The following PARD3B variants were observed in gnomAD, a reference collection of about 807,000 sequenced individuals.
PARD3B encodes par-3 family cell polarity regulator beta.
PARD3B carries 103 observed loss-of-function variants against 130.2 expected under a neutral mutation model. The observed-to-expected ratio is 0.79, with a 90% CI of 0.67 to 0.93. The LOEUF (loss-of-function observed/expected upper bound fraction) is 0.93, where lower values mean the gene tolerates loss of function less well. Among genes scored for constraint, PARD3B ranks in the 40% least tolerant of loss-of-function variants. The pLI is 0.00. For synonymous variants in PARD3B, 583 were observed against 553.2 expected, an observed-to-expected ratio of 1.05 and a Z score of -0.76; for missense variants, 1,609 against 1,499.2, an observed-to-expected ratio of 1.07 and a Z score of -1.21.
At chr2:205,464,519 G>T (rs1450324460) in intron 20 of PARD3B, among the ~76,000 whole-genome samples, 3 of 152,152 alleles carry the variant, frequency 2.0e-5, no homozygotes, top group Non-Finnish European at 4.4e-5. Flanking sequence ...AGAGAGGGGG[G>T]TTAGGAATCT....
chr2:204,845,137 A>G (rs2044409194), intron 2 of PARD3B, among the ~76,000 whole-genome samples: 1 of 152,196 alleles, frequency 6.6e-6, no homozygotes, highest in African/African-American at 2.4e-5. Flanking sequence ...AGAGAATGTA[A>G]TAGAGGACAG....
intron 2 of PARD3B, among the ~76,000 whole-genome samples, chr2:204,947,388 G>A (rs1287928058): frequency 6.6e-6 from 1 of 151,054 alleles, no homozygotes; most frequent in Non-Finnish European, 1.5e-5. Flanking sequence ...GTTAAACATA[G>A]GGCAGGAGTC....
In PARD3B at chr2:205,401,143, CCTT is replaced by C. The variant is rs1449321047; in HGVS notation, c.2741+22_2741+24del. On this transcript the variant is annotated intron_variant, in intron 19 of 22. Coordinates refer to ENST00000406610, the MANE Select transcript of PARD3B (RefSeq NM_001302769.2). ...TGAAAGGTGAGCAGAAGTGCCGAGACCTTCATTTTCTTTGACTCTATGGTCTGG... is the reference window on the plus strand; with the variant it reads ...TGAAAGGTGAGCAGAAGTGCCGAGACCATTTTCTTTGACTCTATGGTCTGG... 2.0e-6 allele frequency: 3 copies of C among 1,537,538 alleles called. No individual in the cohort carries two copies. In the South Asian group the frequency reaches 3.5e-5, roughly 18 times the overall value.
rs1386469040 is a variant in PARD3B, at chr2:205,321,495, C to A, written c.2630+19794C>A. ...CTCTCTTTCCCTCTCTCTCTCTCTC[C>A]CCCCGCCCATATGAATGTATATGCA... On this transcript the variant is annotated intron_variant, in intron 18 of 22. Coordinates refer to ENST00000406610, the MANE Select transcript of PARD3B (RefSeq NM_001302769.2). This position sits in a 1 kb window ranked among gnomAD's most constrained non-coding sequence, Gnocchi z 4.2. 6.6e-6 allele frequency among the ~76,000 whole-genome samples: 1 copy of A among 151,892 alleles called. No homozygotes were observed. The highest frequency in any genetic ancestry group is 2.4e-5 in the African/African-American group (1 of 41,418).
At chr2:205,614,397 A>G (rs1242639405) in intron 22 of PARD3B, among the ~76,000 whole-genome samples, 1 of 152,116 alleles carries the variant, frequency 6.6e-6, no homozygotes, top group East Asian at 1.9e-4. Context: ...AGAGTTGATT[A>G]CTTTATATCA....
Position 205,146,837 on chromosome 2 carries a change from C to T in PARD3B, c.1435-11885C>T, listed in dbSNP as rs1006715494. ...TCGCCTCCCGGGTTGGAGCGATTCTCCTGCCTCAGCTTCCTGAGTAGCTGG... is the reference window on the plus strand; with the variant it reads ...TCGCCTCCCGGGTTGGAGCGATTCTTCTGCCTCAGCTTCCTGAGTAGCTGG... On this transcript the variant is annotated intron_variant, in intron 10 of 22. Coordinates refer to ENST00000406610, the MANE Select transcript of PARD3B (RefSeq NM_001302769.2). The surrounding 1 kb of genome is among the most constrained non-coding windows in gnomAD (Gnocchi z 4.3). 7.9e-5 allele frequency among the ~76,000 whole-genome samples: 12 copies of T among 151,814 alleles called. No individual in the cohort carries two copies. Among genetic ancestry groups the T allele is most frequent in the Non-Finnish European group, 1.6e-4 (11 of 67,978 alleles).
intron 18 of PARD3B, among the ~76,000 whole-genome samples, chr2:205,313,854 G>A (rs2042472283): frequency 6.6e-6 from 1 of 152,158 alleles, no homozygotes; most frequent in South Asian, 2.1e-4. Flanking sequence ...TAAGGTAGAA[G>A]ATACACTTTA....
intron 21 of PARD3B, among the ~76,000 whole-genome samples, chr2:205,519,919 T>C (rs1385156402): frequency 6.6e-6 from 1 of 152,148 alleles, no homozygotes; most frequent in Non-Finnish European, 1.5e-5. Flanking sequence ...AGTCAGTTGG[T>C]AGACTCTTGC....
chr2:205,229,951 C>CT lies in PARD3B; in HGVS notation c.2141-15826dup, dbSNP rs2038750498. 6.6e-6 allele frequency among the ~76,000 whole-genome samples: 1 copy of CT among 151,984 alleles called. No homozygotes were observed. Among genetic ancestry groups the CT allele is most frequent in the Admixed American group, 6.6e-5 (1 of 15,256 alleles). ...CCACCACGTCCATGGCAAGTACTGC[C>CT]TGTCTACCACTGATGCTCATTCCAG... On this transcript the variant is annotated intron_variant, in intron 15 of 22. Transcript: ENST00000406610. This position sits in a 1 kb window ranked among gnomAD's most constrained non-coding sequence, Gnocchi z 5.2.
intron 21 of PARD3B, among the ~76,000 whole-genome samples, chr2:205,520,704 G>A (rs1034111699): frequency 2.6e-5 from 4 of 151,832 alleles, no homozygotes; most frequent in East Asian, 3.9e-4. Flanking sequence ...ACACACATAT[G>A]CATAACATGT....
chr2:205,045,776 C>T (rs1698734137), intron 3 of PARD3B, among the ~76,000 whole-genome samples: 1 of 151,836 alleles, frequency 6.6e-6, no homozygotes, highest in Non-Finnish European at 1.5e-5. Context: ...TATATACACA[C>T]ACACACACAC....
chr2:205,115,223 C>G (rs1168335923), intron 6 of PARD3B, among the ~76,000 whole-genome samples: 1 of 152,098 alleles, frequency 6.6e-6, no homozygotes, highest in Non-Finnish European at 1.5e-5. Flanking sequence ...TTGATTTCCT[C>G]CCTTCCTTTT....
At position 204,933,536 on chromosome 2, in the gene PARD3B, A is replaced by G. The variant is rs538613010; in HGVS notation, c.223-31616A>G. On this transcript the variant is annotated intron_variant, in intron 2 of 22. Coordinates refer to ENST00000406610, the MANE Select transcript of PARD3B (RefSeq NM_001302769.2). ...TAAAAGAAACACTGATATTTAGAGG[A>G]TTTAGATTCTTTATTTAGAAATATG... 2.3e-3 allele frequency among the ~76,000 whole-genome samples: 343 copies of G among 152,300 alleles called. 4 individuals carry two copies. The highest frequency in any genetic ancestry group is 8.0e-3 in the African/African-American group (331 of 41,572).
At chr2:205,344,701 T>TGTCAGC (rs2043683781) in intron 18 of PARD3B, among the ~76,000 whole-genome samples, 1 of 152,248 alleles carries the variant, frequency 6.6e-6, no homozygotes, top group South Asian at 2.1e-4. Flanking sequence ...ATTTCTGTAC[T>TGTCAGC]GTCAGCCTTA....
rs751557826 is a variant in PARD3B, at chr2:205,301,473, C to A, written c.2402C>A (p.Ser801Tyr). The stretch of plus-strand genomic sequence containing the variant: ...TTTTTTCTCTGTACAGACGGTCTGT[C>A]TGATAAGAGCTCTCACTCTGGCCAA... ...GPEEIEADGL[S>Y]DKSSHSGQGA... Residue 801 changes from serine to tyrosine, a missense_variant, in exon 18 of 23, where the codon TCT becomes TAT. Transcript: ENST00000406610. This position sits in a 1 kb window ranked among gnomAD's most constrained non-coding sequence, Gnocchi z 5.2. The A allele has an allele frequency of 6.2e-7, 1 of 1,611,332 alleles. No individual in the cohort carries two copies. Among genetic ancestry groups the A allele is most frequent in the Non-Finnish European group, 8.5e-7 (1 of 1,179,246 alleles).
In PARD3B at chr2:205,458,283, CT is replaced by C. The variant is rs760232687; in HGVS notation, c.3044+17613del. Among the ~76,000 whole-genome samples the C allele has an allele frequency of 6.6e-6, 1 of 152,102 alleles. No individual in the cohort carries two copies. Among genetic ancestry groups the C allele is most frequent in the Non-Finnish European group, 1.5e-5 (1 of 68,004 alleles). On this transcript the variant is annotated intron_variant, in intron 20 of 22. Transcript: ENST00000406610. The surrounding 1 kb of genome is among the most constrained non-coding windows in gnomAD (Gnocchi z 4.8). The stretch of plus-strand genomic sequence containing the variant: ...CTCCTCTTCCTCTCCTCTTCTTCCT[CT>C]TGTCTTCCTCCTCGTCTTCCATTTT...
chr2:204,809,097 C>T (rs972511807), intron 2 of PARD3B, among the ~76,000 whole-genome samples: 1 of 151,830 alleles, frequency 6.6e-6, no homozygotes, highest in Non-Finnish European at 1.5e-5. Context: ...GTGCTTATTT[C>T]CTTTGCCCAC....
chr2:204,553,681 T>TCC (rs1559152510), intron 1 of PARD3B, among the ~76,000 whole-genome samples: 5 of 64,284 alleles, frequency 7.8e-5, no homozygotes, highest in African/African-American at 1.6e-4. Context: ...TATATATATA[T>TCC]ATATATATAT....
intron 2 of PARD3B, among the ~76,000 whole-genome samples, chr2:204,821,189 G>C (rs887975296): frequency 6.6e-5 from 10 of 152,146 alleles, no homozygotes; most frequent in African/African-American, 2.4e-4. Flanking sequence ...TGTTGTGGGA[G>C]GGACCTGGTG....
Sources: allele counts gnomAD v4.1 joint callset (sites outside exome capture counted in the v4.1 genomes callset), GRCh38; gene constraint gnomAD v4.1.1; non-coding constraint Gnocchi (gnomAD v3.1); transcripts MANE v1.5; gene names NCBI Gene and HGNC (gene_info 2026-07-23, HGNC 2026-07-21).